The following ATG7 variants were observed in gnomAD, a reference collection of about 807,000 sequenced individuals.
The protein encoded by ATG7 is ubiquitin-like modifier-activating enzyme ATG7.
In ATG7, 70 loss-of-function variants were observed where a neutral mutation model predicts 82.4. That is an observed-to-expected ratio of 0.85 (90% CI 0.70 to 1.04). The LOEUF is 1.04. Ranked by LOEUF, ATG7 falls within the 50% of genes least tolerant of loss-of-function variation. The pLI is 0.00. For missense variants in ATG7, 792 were observed against 864.3 expected (o/e 0.92, Z 1.05); for synonymous variants, 287 against 313.0 (o/e 0.92, Z 0.88).
At chr3:11,477,054 A>T in intron 20 of ATG7, 1 of 1,257,132 alleles carries the variant, frequency 8.0e-7, no homozygotes, top group Non-Finnish European at 1.0e-6. Flanking sequence ...TGGGCACTTG[A>T]TTATAATTAT....
At chr3:11,510,378 A>G in intron 20 of ATG7, 1 of 405,452 alleles carries the variant, frequency 2.5e-6, no homozygotes, top group Non-Finnish European at 4.9e-6. Context: ...TCCCTGCCCC[A>G]GTTTAAAAAA....
chr3:11,284,625 C>T (rs571626533), intron 3 of ATG7, among the ~76,000 whole-genome samples: 3 of 152,094 alleles, frequency 2.0e-5, no homozygotes, highest in African/African-American at 7.2e-5. Flanking sequence ...AGTCATGGCT[C>T]ACTGCAGCTT....
At chr3:11,494,031 A>G (rs2090614232) in intron 20 of ATG7, among the ~76,000 whole-genome samples, 1 of 152,212 alleles carries the variant, frequency 6.6e-6, no homozygotes, top group Admixed American at 6.5e-5. Context: ...CCTCAAATGC[A>G]AGAAGGTGTT....
At chr3:11,530,251 G>A (rs1279445992) in intron 20 of ATG7, among the ~76,000 whole-genome samples, 1 of 152,170 alleles carries the variant, frequency 6.6e-6, no homozygotes, top group Non-Finnish European at 1.5e-5. Flanking sequence ...GAGAGAGCGA[G>A]GCCCTGCAAG....
intron 13 of ATG7, among the ~76,000 whole-genome samples, chr3:11,343,669 A>G (rs1320382689): frequency 1.3e-5 from 2 of 152,120 alleles, no homozygotes; most frequent in African/African-American, 2.4e-5. Context: ...TGGTTACATG[A>G]TAAGGGGTAA....
chr3:11,555,318 G>A lies in ATG7; in HGVS notation c.*475G>A, dbSNP rs745998992. ...TGGGCATGGGTGAGGGTGGGACCCCGTGAGCGCACTGCACCCTGGCCCTGG... is the reference window on the plus strand; with the variant it reads ...TGGGCATGGGTGAGGGTGGGACCCCATGAGCGCACTGCACCCTGGCCCTGG... On this transcript the variant is annotated 3_prime_UTR_variant, in exon 21 of 21. Transcript: ENST00000693202. The A allele has an allele frequency of 8.1e-5, 13 of 159,680 alleles. No individual in the cohort carries two copies. Among genetic ancestry groups the A allele is most frequent in the Non-Finnish European group, 1.5e-4 (11 of 73,184 alleles). The allele number at this position is 159,680 out of a possible 1,614,324, so 9.9% of individuals were successfully genotyped here.
chr3:11,447,749 G>C (rs2084714572), intron 20 of ATG7, among the ~76,000 whole-genome samples: 1 of 152,136 alleles, frequency 6.6e-6, no homozygotes, highest in Non-Finnish European at 1.5e-5. Flanking sequence ...GATTGGCCAG[G>C]CCTGGGTCAC....
chr3:11,411,619 C>CAAAAAAAAAAA lies in ATG7; in HGVS notation c.1957-15166_1957-15156dup, dbSNP rs71055868. Among the ~76,000 whole-genome samples the CAAAAAAAAAAA allele has an allele frequency of 4.9e-3, 352 of 71,712 alleles. 33 individuals carry two copies. Among genetic ancestry groups the CAAAAAAAAAAA allele is most frequent in the Non-Finnish European group, 7.3e-3 (249 of 34,070 alleles). 47.0% of individuals were successfully genotyped at this position (71,712 alleles called of 152,430 possible). ...TGGTGACACAGCAAGACTCTGTCTC[C>CAAAAAAAAAAA]AAAAAAAAAAAAAAAAAAAAAAAAA... is the stretch of plus-strand genomic sequence containing the variant. On this transcript the variant is annotated intron_variant, in intron 19 of 20. Transcript: ENST00000693202.
At chr3:11,572,328 C>T in the ATG7 span, among the ~76,000 whole-genome samples, 1 of 152,176 alleles carries the variant, frequency 6.6e-6, no homozygotes, top group Non-Finnish European at 1.5e-5. Context: ...ACTAGTACAA[C>T]GATTCCAATA....
chr3:11,528,926 T>A (rs148690064), intron 20 of ATG7, among the ~76,000 whole-genome samples: 1 of 151,994 alleles, frequency 6.6e-6, no homozygotes, highest in Non-Finnish European at 1.5e-5. Context: ...GTTGGACTCA[T>A]GACTGCATAT....
At chr3:11,516,940 G>A (rs2092300089) in intron 20 of ATG7, among the ~76,000 whole-genome samples, 3 of 151,992 alleles carry the variant, frequency 2.0e-5, no homozygotes. Flanking sequence ...CAAATTAGCC[G>A]GGTATGGTGG....
chr3:11,372,833 T>TGC, intron 18 of ATG7, among the ~76,000 whole-genome samples: 1 of 122,900 alleles, frequency 8.1e-6, no homozygotes, highest in South Asian at 2.5e-4. Flanking sequence ...TGTGCGTGTG[T>TGC]GTGCGTGCGT....
chr3:11,272,587 G>T (rs1350019645), intron 1 of ATG7, 157 bp downstream of exon 1: 2 of 152,492 alleles, frequency 1.3e-5, no homozygotes, highest in Non-Finnish European at 2.9e-5. Context: ...CTCCTCCAGG[G>T]ACTCACTGAT....
At chr3:11,308,265 C>T (rs774101336) in intron 6 of ATG7, among the ~76,000 whole-genome samples, 172 of 152,242 alleles carry the variant, frequency 1.1e-3, no homozygotes, top group Non-Finnish European at 1.7e-3. Context: ...AGTTTAGCTA[C>T]GAATCTTATC....
At chr3:11,443,697 A>G (rs1008777119) in intron 20 of ATG7, among the ~76,000 whole-genome samples, 11 of 152,156 alleles carry the variant, frequency 7.2e-5, no homozygotes, top group African/African-American at 2.7e-4. Flanking sequence ...GAGTCACTGC[A>G]CCTGGCCGAG....
At position 11,278,726 on chromosome 3, in the gene ATG7, CAA is replaced by C. The variant is rs552003453; in HGVS notation, c.-365-2267_-365-2266del. Reference sequence around the variant, plus strand: ...GGTGCTAAGTCAGGTGCTAGAAAAACAATGATGAATGGGGGAAAATGAGAAGC... The same window carrying C: ...GGTGCTAAGTCAGGTGCTAGAAAAACTGATGAATGGGGGAAAATGAGAAGC... On this transcript the variant is annotated intron_variant, in intron 1 of 20. Transcript: ENST00000693202. Among the ~76,000 whole-genome samples, 19 of 152,286 alleles carry C rather than the reference CAA, an allele frequency of 1.2e-4. No homozygotes were observed. The South Asian group carries it at 3.5e-3, about 28-fold the overall frequency.
chr3:11,477,169 G>A, intron 20 of ATG7: 1 of 1,289,778 alleles, frequency 7.8e-7, no homozygotes. Flanking sequence ...TGAAGCAGGA[G>A]AGGCAGAACA....
intron 19 of ATG7, among the ~76,000 whole-genome samples, chr3:11,383,325 A>G (rs1412379378): frequency 5.9e-5 from 9 of 152,036 alleles, no homozygotes; most frequent in Admixed American, 5.2e-4. Flanking sequence ...ATTTCCCTCC[A>G]TGTGGATTTG....
At chr3:11,484,269 C>G (rs549813604) in intron 20 of ATG7, among the ~76,000 whole-genome samples, 6 of 152,192 alleles carry the variant, frequency 3.9e-5, no homozygotes, top group Non-Finnish European at 8.8e-5. Context: ...TGGCGTGCAC[C>G]TGTAATCCCA....
Sources: gnomAD v4.1 joint callset for allele counts (sites outside exome capture counted in the v4.1 genomes callset) on GRCh38, gnomAD v4.1.1 for gene constraint, MANE v1.5 for transcripts, NCBI Gene and HGNC (gene_info 2026-07-23, HGNC 2026-07-21) for gene names.